PTPRA: variants seen among roughly 807,000 people sequenced by gnomAD.
PTPRA encodes protein tyrosine phosphatase receptor type A.
In PTPRA, 25 loss-of-function variants were observed where a neutral mutation model predicts 104.8. The ratio of observed to expected loss-of-function variants is 0.24; its 90% CI spans 0.17 to 0.33. The LOEUF is 0.33. Ranked by LOEUF, PTPRA falls within the 10% of genes least tolerant of loss-of-function variation. PTPRA has a pLI of 1.00. For synonymous variants in PTPRA, 323 were observed against 368.9 expected (o/e 0.88, Z 1.43); for missense variants, 765 against 1,015.3 (o/e 0.75, Z 3.35).
At chr20:2,972,397 A>G (rs2062227399) in intron 5 of PTPRA, among the ~76,000 whole-genome samples, 1 of 151,984 alleles carries the variant, frequency 6.6e-6, no homozygotes, top group South Asian at 2.1e-4. Context: ...AGAAACAGGG[A>G]CTCACTGTGT....
At chr20:3,016,966 G>T (rs2064492447) in intron 12 of PTPRA, among the ~76,000 whole-genome samples, 2 of 152,064 alleles carry the variant, frequency 1.3e-5, no homozygotes, top group Admixed American at 1.3e-4. Context: ...CACAATTTGG[G>T]GTTAAGGTAT....
At chr20:3,007,909 A>G (rs1054827927) in intron 11 of PTPRA, among the ~76,000 whole-genome samples, 6 of 152,158 alleles carry the variant, frequency 3.9e-5, no homozygotes, top group Non-Finnish European at 8.8e-5. Context: ...GCTGATACTA[A>G]GAGGAGGTTT....
intron 16 of PTPRA, among the ~76,000 whole-genome samples, chr20:3,023,511 G>A (rs1016349170): frequency 2.6e-5 from 4 of 152,174 alleles, no homozygotes; most frequent in Non-Finnish European, 5.9e-5. Flanking sequence ...ATATGCTGGC[G>A]GCAATACTGC....
At chr20:2,993,575 C>A (rs555681565) in intron 9 of PTPRA, among the ~76,000 whole-genome samples, 25 of 152,348 alleles carry the variant, frequency 1.6e-4, no homozygotes, top group African/African-American at 6.0e-4. Context: ...CACACACTTA[C>A]CCCTAGCAGT....
intron 1 of PTPRA, among the ~76,000 whole-genome samples, chr20:2,879,734 G>A (rs942504302): frequency 6.6e-6 from 1 of 152,068 alleles, no homozygotes; most frequent in African/African-American, 2.4e-5. Flanking sequence ...TTTTAGATAT[G>A]TTTAAATACA....
intron 7 of PTPRA, 167 bp from the exon 8 acceptor site, chr20:2,987,865 A>G (rs2062972666): frequency 1.3e-6 from 1 of 758,762 alleles, no homozygotes; most frequent in Non-Finnish European, 2.4e-6. Flanking sequence ...GTACTCGGTC[A>G]CCCCAGCATG....
intron 1 of PTPRA, among the ~76,000 whole-genome samples, chr20:2,920,122 G>T (rs1477989600): frequency 6.6e-6 from 1 of 152,148 alleles, no homozygotes; most frequent in Non-Finnish European, 1.5e-5. Context: ...TGAGTAGGTG[G>T]TAATTTTTAT....
rs546807595 is a variant in PTPRA at position 3,026,619 on chromosome 20, G to C, written c.1615-68G>C. ...AGTGGCCTGGAGGTGCAGGCCAAGG[G>C]ACAGGCATAATCTTGTCAAGTTCAG... On this transcript the variant is annotated intron_variant, in intron 17 of 23. Coordinates refer to ENST00000399903, the MANE Select transcript of PTPRA (RefSeq NM_001385305.1). 2.5e-4 allele frequency: 321 copies of C among 1,281,084 alleles called. No individual in the cohort carries two copies. The African/African-American group carries it at 4.1e-3, about 17-fold the overall frequency. 79.4% of individuals were successfully genotyped at this position (1,281,084 alleles called of 1,614,324 possible).
intron 6 of PTPRA, among the ~76,000 whole-genome samples, chr20:2,976,797 A>G (rs189221717): frequency 1.3e-5 from 2 of 152,322 alleles, no homozygotes; most frequent in East Asian, 3.9e-4. Context: ...AATCGGTTTG[A>G]TAAGCAGTTA....
In PTPRA at chr20:2,958,071, A is replaced by G. The variant is rs1373347729; in HGVS notation, c.-6-6201A>G. Among the ~76,000 whole-genome samples, 6 of 152,148 alleles carry G rather than the reference A, an allele frequency of 3.9e-5. No individual in the cohort carries two copies. In the East Asian group the frequency reaches 1.2e-3, roughly 29 times the overall value. ...TGAAGGAAGTTAGGACAAAAGAATG[A>G]TTGAACTGACACCAAGTTTTCTTGA... is the stretch of plus-strand genomic sequence containing the variant. On this transcript the variant is annotated intron_variant, in intron 3 of 23. Transcript: ENST00000399903.
chr20:2,948,122 A>G (rs2061206271), intron 3 of PTPRA, 98 bp downstream of exon 3: 2 of 531,956 alleles, frequency 3.8e-6, no homozygotes, highest in Non-Finnish European at 6.2e-6. Context: ...TGCTTATGGC[A>G]TAATCTGGGG....
At position 2,879,079 on chromosome 20, in the gene PTPRA, A is replaced by C. The variant is rs535959017; in HGVS notation, c.-129+5319A>C. 4.6e-5 allele frequency among the ~76,000 whole-genome samples: 7 copies of C among 152,358 alleles called. No homozygotes were observed. In the East Asian group the frequency reaches 9.6e-4, roughly 21 times the overall value. Reference sequence around the variant, plus strand: ...TAGATGTGATGTCTGTCCTCATGACACTTTTAGGTTAGTGCAGTAGACAGA... The same window carrying C: ...TAGATGTGATGTCTGTCCTCATGACCCTTTTAGGTTAGTGCAGTAGACAGA... On this transcript the variant is annotated intron_variant, in intron 1 of 23. Transcript: ENST00000399903.
At chr20:3,034,535 G>A in intron 20 of PTPRA, among the ~76,000 whole-genome samples, 1 of 151,054 alleles carries the variant, frequency 6.6e-6, no homozygotes, top group Non-Finnish European at 1.5e-5. Flanking sequence ...GCCTGATCGA[G>A]GTGAGCCTTA....
intron 1 of PTPRA, among the ~76,000 whole-genome samples, chr20:2,909,578 T>G (rs2059548871): frequency 6.6e-6 from 1 of 151,166 alleles, no homozygotes; most frequent in Admixed American, 6.7e-5. Context: ...AGACTCCATC[T>G]CCAAAAAAAA....
intron 20 of PTPRA, among the ~76,000 whole-genome samples, chr20:3,033,229 C>T (rs2065604997): frequency 6.6e-6 from 1 of 151,904 alleles, no homozygotes; most frequent in South Asian, 2.1e-4. Context: ...TCCTGATTTC[C>T]TCCTTCCCCC....
upstream of PTPRA, among the ~76,000 whole-genome samples, chr20:2,870,497 G>T (rs2146699379): frequency 6.6e-6 from 1 of 152,224 alleles, no homozygotes; most frequent in Non-Finnish European, 1.5e-5. Context: ...AAATTTTCTT[G>T]TTCTTTTGTT....
chr20:2,899,703 A>G (rs1199850360), intron 1 of PTPRA, among the ~76,000 whole-genome samples: 1 of 152,242 alleles, frequency 6.6e-6, no homozygotes, highest in Non-Finnish European at 1.5e-5. Context: ...ATACATACAT[A>G]TATACATCTG....
chr20:3,001,926 G>C (rs1268740673), intron 9 of PTPRA, among the ~76,000 whole-genome samples: 2 of 152,052 alleles, frequency 1.3e-5, no homozygotes, highest in African/African-American at 4.8e-5. Flanking sequence ...CTTTCTTAAA[G>C]CTCTTGCTTC....
intron 13 of PTPRA, among the ~76,000 whole-genome samples, chr20:3,020,016 T>C (rs893464835): frequency 3.3e-5 from 5 of 151,474 alleles, no homozygotes; most frequent in African/African-American, 1.2e-4. Flanking sequence ...TGAGCCGAGA[T>C]GGCAGCAGTA....
Sources: gnomAD v4.1 joint callset for allele counts (sites outside exome capture counted in the v4.1 genomes callset) on GRCh38, gnomAD v4.1.1 for gene constraint, MANE v1.5 for transcripts, NCBI Gene and HGNC (gene_info 2026-07-23, HGNC 2026-07-21) for gene names.